The following LAMA2 variants were observed in gnomAD, a reference collection of about 807,000 sequenced individuals.
LAMA2 encodes laminin subunit alpha-2.
A neutral mutation model predicts 364.8 loss-of-function variants in LAMA2; 269 were observed. That is an observed-to-expected ratio of 0.74 (90% confidence interval 0.67 to 0.82). The LOEUF is 0.82. Ranked by LOEUF, LAMA2 falls within the 40% of genes least tolerant of loss-of-function variation. The pLI is 0.00. For missense variants in LAMA2, 3,807 were observed against 3,873.2 expected, an observed-to-expected ratio of 0.98 and a Z score of 0.45; for synonymous variants, 1,379 against 1,370.6, an observed-to-expected ratio of 1.01 and a Z score of -0.14.
intron 34 of LAMA2, among the ~76,000 whole-genome samples, chr6:129,378,413 G>T (rs928891118): frequency 6.6e-6 from 1 of 152,188 alleles, no homozygotes; most frequent in Non-Finnish European, 1.5e-5. Context: ...ACTACCCATA[G>T]GTGATAGTGC....
chr6:129,217,774 A>G (rs1395151571), intron 12 of LAMA2, among the ~76,000 whole-genome samples: 1 of 152,200 alleles, frequency 6.6e-6, no homozygotes, highest in Non-Finnish European at 1.5e-5. Context: ...GAACCCCAGG[A>G]TATAATCTAC....
Position 129,487,345 on chromosome 6 carries a change from T to G in LAMA2, c.7898+723T>G, listed in dbSNP as rs148790332. Among the ~76,000 whole-genome samples the G allele has an allele frequency of 4.6e-5, 7 of 152,332 alleles. No individual in the cohort carries two copies. The East Asian group carries it at 1.3e-3, about 29-fold the overall frequency. Reference sequence around the variant, plus strand: ...CTTACTTTATTAGGAAAGTCATCTGTATTTTTCATCAAAATATTGTATGAC... The same window carrying G: ...CTTACTTTATTAGGAAAGTCATCTGGATTTTTCATCAAAATATTGTATGAC... On this transcript the variant is annotated intron_variant, in intron 56 of 64. Transcript: ENST00000421865.
At chr6:129,063,737 C>T (rs865994658) in intron 3 of LAMA2, among the ~76,000 whole-genome samples, 4 of 152,282 alleles carry the variant, frequency 2.6e-5, no homozygotes, top group Middle Eastern at 6.8e-3. Flanking sequence ...TATTCTTAAC[C>T]TAAATATTTT....
rs200796753 is a variant in LAMA2, at chr6:129,516,318, G to C, written c.9340G>C (p.Val3114Leu). 3.7e-6 allele frequency: 6 copies of C among 1,614,088 alleles called. No homozygotes were observed. The East Asian group carries it at 1.3e-4, about 36-fold the overall frequency. Residue 3114 changes from valine (V) to leucine (L), a missense_variant, in exon 65 of 65, where the codon GTT becomes CTT. By Grantham distance (32) the Val-to-Leu change is conservative. Coordinates refer to ENST00000421865, the MANE Select transcript of LAMA2 (RefSeq NM_000426.4). Reference sequence around the variant, plus strand: ...TGCCAAGGCCCTGGAACTGAGGGGCGTTCAACCTGTATCATGCCCAGCCAA... The same window carrying C: ...TGCCAAGGCCCTGGAACTGAGGGGCCTTCAACCTGTATCATGCCCAGCCAA... ...NFAKALELRG[V>L]QPVSCPAN
intron 1 of LAMA2, among the ~76,000 whole-genome samples, chr6:129,032,559 A>T (rs574657394): frequency 6.6e-6 from 1 of 152,330 alleles, no homozygotes; most frequent in South Asian, 2.1e-4. Flanking sequence ...GTAAGCCAGG[A>T]TAATCATTTT....
chr6:129,406,286 G>A (rs931662759), intron 40 of LAMA2, among the ~76,000 whole-genome samples: 3 of 152,140 alleles, frequency 2.0e-5, no homozygotes, highest in African/African-American at 7.2e-5. Flanking sequence ...GCAGGAGAAA[G>A]CTAATACGAT....
At chr6:129,187,231 A>G (rs978232175) in intron 10 of LAMA2, among the ~76,000 whole-genome samples, 5 of 151,714 alleles carry the variant, frequency 3.3e-5, no homozygotes, top group African/African-American at 1.2e-4. Flanking sequence ...TGAAAAAACA[A>G]TGATGTCCCT....
In LAMA2 at chr6:129,050,056, G is replaced by A. The variant is rs148607737; in HGVS notation, c.251G>A (p.Arg84Gln). 47 of 1,614,154 alleles carry A rather than the reference G, an allele frequency of 2.9e-5. No individual in the cohort carries two copies. The African/African-American group carries it at 4.7e-4, about 16-fold the overall frequency. Reference protein sequence around the residue: ...PGQPVRNPQCRICNQNSSNPN... With the variant: ...PGQPVRNPQCQICNQNSSNPN... ...CAGCCTGTGAGGAACCCGCAGTGTC[G>A]AATCTGCAATCAAAACAGCAGCAAT... The change falls in exon 2 of 65, where the codon CGA becomes CAA. Residue 84 changes from arginine to glutamine, a missense_variant. By Grantham distance (43) the Arg-to-Gln change is conservative. This residue lies in a region of LAMA2 where 394 missense variants were observed against 403.5 expected (regional missense o/e 0.98). Coordinates refer to ENST00000421865, the MANE Select transcript of LAMA2 (RefSeq NM_000426.4).
intron 29 of LAMA2, among the ~76,000 whole-genome samples, chr6:129,331,481 A>G (rs1057447118): frequency 1.3e-5 from 2 of 151,982 alleles, no homozygotes; most frequent in African/African-American, 2.4e-5. Context: ...CCACTACTGC[A>G]TGCACCCACT....
At chr6:129,047,365 C>T (rs1279054132) in intron 1 of LAMA2, among the ~76,000 whole-genome samples, 2 of 152,030 alleles carry the variant, frequency 1.3e-5, no homozygotes, top group Non-Finnish European at 2.9e-5. Context: ...GGCCAGAGAG[C>T]ACAGAGATGA....
At chr6:129,010,372 C>G (rs770955435) in intron 1 of LAMA2, among the ~76,000 whole-genome samples, 3 of 152,072 alleles carry the variant, frequency 2.0e-5, no homozygotes, top group Non-Finnish European at 4.4e-5. Flanking sequence ...TTTCCTCTTT[C>G]GTTTAGGTGA....
chr6:129,006,852 C>T (rs1229458896), intron 1 of LAMA2, among the ~76,000 whole-genome samples: 1 of 152,184 alleles, frequency 6.6e-6, no homozygotes, highest in Non-Finnish European at 1.5e-5. Context: ...TCATGCTGGA[C>T]TCTGCAGTTG....
chr6:129,477,786 A>G (rs1043484179), intron 53 of LAMA2, among the ~76,000 whole-genome samples: 6 of 152,078 alleles, frequency 3.9e-5, no homozygotes, highest in Non-Finnish European at 7.4e-5. Flanking sequence ...TTAAAAAAAA[A>G]CATTTTTTTA....
chr6:129,058,132 C>T (rs968029909), intron 2 of LAMA2, among the ~76,000 whole-genome samples: 2 of 152,200 alleles, frequency 1.3e-5, no homozygotes, highest in African/African-American at 4.8e-5. Flanking sequence ...CATCAACAGC[C>T]TCCACTCCTG....
intron 4 of LAMA2, among the ~76,000 whole-genome samples, chr6:129,114,664 G>C (rs577248580): frequency 5.7e-4 from 86 of 152,024 alleles, no homozygotes; most frequent in African/African-American, 2.0e-3. Context: ...TTTCTTAGAT[G>C]ATTAGGTAGT....
At chr6:129,277,105 G>A (rs1384069684) in intron 17 of LAMA2, among the ~76,000 whole-genome samples, 4 of 152,072 alleles carry the variant, frequency 2.6e-5, no homozygotes, top group African/African-American at 4.8e-5. Context: ...GAAAATGCCC[G>A]CTGCTCTTGG....
chr6:129,113,014 T>C (rs1288155591), intron 4 of LAMA2, among the ~76,000 whole-genome samples: 2 of 152,118 alleles, frequency 1.3e-5, no homozygotes, highest in African/African-American at 2.4e-5. Context: ...AAACAGATTT[T>C]AGGCAGAATT....
At chr6:129,022,467 AT>A (rs1432724659) in intron 1 of LAMA2, among the ~76,000 whole-genome samples, 2 of 152,196 alleles carry the variant, frequency 1.3e-5, no homozygotes, top group Non-Finnish European at 2.9e-5. Context: ...AGTGATATGC[AT>A]GTTATAAATT....
chr6:128,934,163 A>G (rs935465156), intron 1 of LAMA2, among the ~76,000 whole-genome samples: 1 of 152,214 alleles, frequency 6.6e-6, no homozygotes, highest in Admixed American at 6.5e-5. Flanking sequence ...GTGGATATCT[A>G]GTTTCCCCAA....
Sources: allele counts gnomAD v4.1 joint callset (sites outside exome capture counted in the v4.1 genomes callset), GRCh38; gene constraint gnomAD v4.1.1; regional missense constraint gnomAD v4.1.1; transcripts MANE v1.5; gene names NCBI Gene and HGNC (gene_info 2026-07-23, HGNC 2026-07-21).